The following FERRY3 variants were observed in gnomAD, a reference collection of about 807,000 sequenced individuals.
The protein encoded by FERRY3 is FERRY endosomal RAB5 effector complex subunit 3.
the FERRY3 span, among the ~76,000 whole-genome samples, chr12:4,537,129 C>G: frequency 6.6e-6 from 1 of 152,212 alleles, no homozygotes; most frequent in Non-Finnish European, 1.5e-5. Flanking sequence ...ATTTTATTTT[C>G]CAGCCATTCT....
the FERRY3 span, chr12:4,509,016 G>A: frequency 6.6e-5 from 10 of 151,868 alleles, no homozygotes; most frequent in African/African-American, 2.4e-4. Context: ...TCTCACTAGG[G>A]AGTGCCAGAC....
the FERRY3 span, chr12:4,489,078 T>C: frequency 6.6e-6 from 1 of 152,610 alleles, no homozygotes; most frequent in African/African-American, 2.4e-5. Flanking sequence ...TGATGAGCAC[T>C]AAAATACTGC....
the FERRY3 span, among the ~76,000 whole-genome samples, chr12:4,506,830 T>A: frequency 6.6e-6 from 1 of 152,140 alleles, no homozygotes; most frequent in Non-Finnish European, 1.5e-5. Context: ...TAATGGAATG[T>A]CTTAGAATAA....
the FERRY3 span, chr12:4,534,452 G>T: frequency 1.2e-6 from 1 of 847,942 alleles, no homozygotes; most frequent in Non-Finnish European, 1.7e-6. Flanking sequence ...TACACAGGCT[G>T]GAGTGCAGTG....
chr12:4,491,223 T>C, the FERRY3 span: 1 of 1,612,760 alleles, frequency 6.2e-7, no homozygotes, highest in East Asian at 2.2e-5. Flanking sequence ...AGCACCAGGG[T>C]ATAGTCATTT....
the FERRY3 span, among the ~76,000 whole-genome samples, chr12:4,507,063 T>C: frequency 2.6e-5 from 4 of 152,188 alleles, no homozygotes; most frequent in African/African-American, 9.6e-5. Context: ...CTTAGCCGTA[T>C]GTGGTTTAAA....
At chr12:4,536,007 C>T in the FERRY3 span, 3 of 1,480,808 alleles carry the variant, frequency 2.0e-6, no homozygotes, top group Non-Finnish European at 1.8e-6. Flanking sequence ...AAAAAAAAAA[C>T]AGTCCTCACC....
At chr12:4,500,121 T>C in the FERRY3 span, 3 of 1,592,984 alleles carry the variant, frequency 1.9e-6, no homozygotes, top group African/African-American at 1.3e-5. Flanking sequence ...AATTACAGGA[T>C]TTTTCTATCT....
chr12:4,504,151 G>A, the FERRY3 span, among the ~76,000 whole-genome samples: 3 of 152,216 alleles, frequency 2.0e-5, no homozygotes, highest in African/African-American at 2.4e-5. Flanking sequence ...CTGACAAGAT[G>A]AATACCAGCA....
chr12:4,537,830 T>C, the FERRY3 span, among the ~76,000 whole-genome samples: 1 of 152,204 alleles, frequency 6.6e-6, no homozygotes, highest in Non-Finnish European at 1.5e-5. Flanking sequence ...ATTTCATTCC[T>C]AAGTATATAT....
chr12:4,511,228 A>G, the FERRY3 span, among the ~76,000 whole-genome samples: 103 of 151,984 alleles, frequency 6.8e-4, no homozygotes, highest in Admixed American at 1.1e-3. Context: ...AGGAGCACCC[A>G]GATTCATAAA....
chr12:4,529,771 TC>T, the FERRY3 span: 1 of 1,068,044 alleles, frequency 9.4e-7, no homozygotes, highest in Non-Finnish European at 1.3e-6. Flanking sequence ...TTTTTTTCTA[TC>T]TTATCCTTTT....
the FERRY3 span, chr12:4,505,212 A>G: frequency 1.3e-6 from 1 of 797,398 alleles, no homozygotes; most frequent in Non-Finnish European, 2.1e-6. Flanking sequence ...ATATACTAAA[A>G]TCATAGATTT....
At chr12:4,526,779 T>C in the FERRY3 span, among the ~76,000 whole-genome samples, 14 of 151,616 alleles carry the variant, frequency 9.2e-5, no homozygotes, top group East Asian at 2.5e-3. Context: ...GAGACTGAGG[T>C]TGCAGTGAGC....
At chr12:4,526,413 A>G in the FERRY3 span, among the ~76,000 whole-genome samples, 4 of 152,242 alleles carry the variant, frequency 2.6e-5, no homozygotes, top group Non-Finnish European at 5.9e-5. Flanking sequence ...TTGAAATTAA[A>G]GATTATCTTC....
chr12:4,525,927 A>G, the FERRY3 span, among the ~76,000 whole-genome samples: 13 of 152,322 alleles, frequency 8.5e-5, no homozygotes, highest in African/African-American at 2.2e-4. Context: ...TCCTCAAAGA[A>G]GAGGCTCTGC....
At chr12:4,523,223 C>G in the FERRY3 span, among the ~76,000 whole-genome samples, 1 of 152,174 alleles carries the variant, frequency 6.6e-6, no homozygotes, top group Non-Finnish European at 1.5e-5. Context: ...AAAGAAACAT[C>G]TATCAAAAAG....
At chr12:4,490,876 TAATA>T in the FERRY3 span, among the ~76,000 whole-genome samples, 567 of 152,348 alleles carry the variant, frequency 3.7e-3, 1 homozygote, top group Non-Finnish European at 6.0e-3. Context: ...TATTAAAAGT[TAATA>T]AATATGTGGC....
the FERRY3 span, chr12:4,502,421 CTT>C: frequency 1.1e-5 from 5 of 454,256 alleles, no homozygotes; most frequent in Non-Finnish European, 1.8e-5. This position sits in a 1 kb window ranked among gnomAD's most constrained non-coding sequence, Gnocchi z 4.2. Context: ...TACCATCACT[CTT>C]TTTTCTGTGT....
Sources: gnomAD v4.1 joint callset for allele counts (sites outside exome capture counted in the v4.1 genomes callset) on GRCh38, gnomAD v4.1.1 for gene constraint, Gnocchi (gnomAD v3.1) non-coding constraint, MANE v1.5 for transcripts, NCBI Gene and HGNC (gene_info 2026-07-23, HGNC 2026-07-21) for gene names.